Variants in SLC24A2 observed in about 807,000 individuals in gnomAD.
SLC24A2 encodes the protein solute carrier family 24 member 2.
SLC24A2 carries 36 observed loss-of-function variants against 62.0 expected under a neutral mutation model. The ratio of observed to expected loss-of-function variants is 0.58; its 90% confidence interval spans 0.44 to 0.77. SLC24A2 has a LOEUF of 0.77. SLC24A2 is among the 30% of genes least tolerant of loss of function. The pLI, the probability that SLC24A2 is intolerant of heterozygous loss-of-function variation, is 0.00. For synonymous variants in SLC24A2, 358 were observed against 294.0 expected (o/e 1.22, Z -2.23); for missense variants, 846 against 817.9 (o/e 1.03, Z -0.42).
intron 9 of SLC24A2, among the ~76,000 whole-genome samples, chr9:19,526,228 A>G (rs979303733): frequency 1.2e-4 from 18 of 152,182 alleles, no homozygotes; most frequent in African/African-American, 3.9e-4. Flanking sequence ...TGGATATACC[A>G]TATTTTGCTT....
At chr9:20,140,526 A>C in the SLC24A2 span, among the ~76,000 whole-genome samples, 1 of 152,138 alleles carries the variant, frequency 6.6e-6, no homozygotes. Context: ...CAGCTATTGG[A>C]TGCAGTTCTT....
chr9:19,598,929 T>C (rs1836774220), intron 4 of SLC24A2, among the ~76,000 whole-genome samples: 1 of 152,158 alleles, frequency 6.6e-6, no homozygotes. Flanking sequence ...AGGTAAGCAG[T>C]GGAATAAGCA....
chr9:19,617,001 T>C (rs1288094932), intron 4 of SLC24A2, among the ~76,000 whole-genome samples: 2 of 152,154 alleles, frequency 1.3e-5, no homozygotes, highest in Non-Finnish European at 2.9e-5. Context: ...TCTGTGTGAC[T>C]AAAACAGAGT....
chr9:19,525,360 T>A, intron 9 of SLC24A2, among the ~76,000 whole-genome samples: 1 of 151,100 alleles, frequency 6.6e-6, no homozygotes, highest in South Asian at 2.1e-4. Context: ...AAGTGTACAG[T>A]TCTGCAAGGT....
the SLC24A2 span, among the ~76,000 whole-genome samples, chr9:20,061,572 C>T: frequency 6.6e-6 from 1 of 152,156 alleles, no homozygotes; most frequent in Non-Finnish European, 1.5e-5. Flanking sequence ...CAGGCATGAC[C>T]CACTGCACTC....
At chr9:19,799,005 C>T in the SLC24A2 span, among the ~76,000 whole-genome samples, 2 of 152,054 alleles carry the variant, frequency 1.3e-5, no homozygotes, top group Non-Finnish European at 2.9e-5. Context: ...TGTTGTATTT[C>T]ATTTCATTTT....
At chr9:20,138,765 G>C in the SLC24A2 span, among the ~76,000 whole-genome samples, 5 of 152,140 alleles carry the variant, frequency 3.3e-5, no homozygotes, top group African/African-American at 1.2e-4. Context: ...TTCGCTAGAA[G>C]GTTAACTCAC....
At chr9:19,818,572 G>T in the SLC24A2 span, among the ~76,000 whole-genome samples, 1 of 152,042 alleles carries the variant, frequency 6.6e-6, no homozygotes, top group Non-Finnish European at 1.5e-5. Flanking sequence ...ACTAAGCAGA[G>T]AATCAAATCA....
chr9:20,076,427 G>A, the SLC24A2 span, among the ~76,000 whole-genome samples: 4 of 152,116 alleles, frequency 2.6e-5, no homozygotes, highest in Non-Finnish European at 4.4e-5. Flanking sequence ...GACACACGAA[G>A]GGAGAACCCC....
At chr9:19,990,622 A>C in the SLC24A2 span, among the ~76,000 whole-genome samples, 71 of 144,370 alleles carry the variant, frequency 4.9e-4, no homozygotes, top group African/African-American at 1.7e-3. Context: ...AAAACAAAAA[A>C]AAAAAAACAA....
chr9:20,013,571 A>T, the SLC24A2 span, among the ~76,000 whole-genome samples: 2 of 152,262 alleles, frequency 1.3e-5, no homozygotes, highest in Non-Finnish European at 2.9e-5. Context: ...AGATGGCATC[A>T]AACTAAAAAG....
At chr9:19,790,034 G>A (rs551558860), upstream of SLC24A2, among the ~76,000 whole-genome samples, 1 of 152,134 alleles carries the variant, frequency 6.6e-6, no homozygotes, top group Non-Finnish European at 1.5e-5. Flanking sequence ...GGGAAGCCTA[G>A]GGAACTTAGA....
At chr9:19,950,452 C>G in the SLC24A2 span, among the ~76,000 whole-genome samples, 40 of 152,036 alleles carry the variant, frequency 2.6e-4, no homozygotes, top group African/African-American at 9.2e-4. Context: ...AATCTGCAAA[C>G]TAACATTTTA....
the SLC24A2 span, among the ~76,000 whole-genome samples, chr9:20,121,627 C>T: frequency 1.8e-4 from 28 of 152,140 alleles, no homozygotes; most frequent in Admixed American, 1.5e-3. Context: ...AAGTGCTTAC[C>T]GGGAATGTCC....
intron 5 of SLC24A2, among the ~76,000 whole-genome samples, chr9:19,579,145 G>C (rs1836126183): frequency 6.6e-6 from 1 of 152,102 alleles, no homozygotes. Flanking sequence ...TAATTTCCAA[G>C]GGAAACTCTG....
the SLC24A2 span, among the ~76,000 whole-genome samples, chr9:20,167,004 CT>C: frequency 6.6e-6 from 1 of 151,946 alleles, no homozygotes; most frequent in Admixed American, 6.6e-5. Flanking sequence ...CCACACCCAG[CT>C]CTTTTTTTAT....
chr9:19,820,359 C>T, the SLC24A2 span, among the ~76,000 whole-genome samples: 149 of 150,054 alleles, frequency 9.9e-4, 1 homozygote, highest in African/African-American at 3.5e-3. Context: ...GATGGGTGCA[C>T]TAAAATCTCA....
the SLC24A2 span, among the ~76,000 whole-genome samples, chr9:19,886,036 G>A: frequency 7.9e-5 from 12 of 152,192 alleles, no homozygotes; most frequent in Admixed American, 6.5e-4. Context: ...CTTTACTATT[G>A]TGAATAGTGC....
intron 8 of SLC24A2, among the ~76,000 whole-genome samples, chr9:19,541,801 C>G (rs575524244): frequency 2.7e-5 from 4 of 149,042 alleles, no homozygotes; most frequent in Non-Finnish European, 4.5e-5. Context: ...GCCCCTCCCC[C>G]AGCCTCGTTG....
Sources: gnomAD v4.1 joint callset for allele counts (sites outside exome capture counted in the v4.1 genomes callset) on GRCh38, gnomAD v4.1.1 for gene constraint, MANE v1.5 for transcripts, NCBI Gene and HGNC (gene_info 2026-07-23, HGNC 2026-07-21) for gene names.